Variants in ADGRV1 observed in about 807,000 individuals in gnomAD.
ADGRV1 encodes G-protein coupled receptor 98.
ADGRV1 carries 359 observed loss-of-function variants against 596.2 expected under a neutral mutation model. That is an observed-to-expected ratio of 0.60 (90% CI 0.55 to 0.66). The LOEUF (loss-of-function observed/expected upper bound fraction) is 0.66, where lower values mean the gene tolerates loss of function less well. Ranked by LOEUF, ADGRV1 falls within the 30% of genes least tolerant of loss-of-function variation. The probability of loss-of-function intolerance (pLI) is 0.00; values close to 1 mark genes in which losing one functional copy is unlikely to be tolerated. For missense variants in ADGRV1, 7,274 were observed against 7,575.6 expected, an observed-to-expected ratio of 0.96 and a Z score of 1.48; for synonymous variants, 2,681 against 2,679.2, an observed-to-expected ratio of 1.00 and a Z score of -0.02.
At chr5:90,981,105 C>T (rs775136827) in intron 84 of ADGRV1, among the ~76,000 whole-genome samples, 5 of 152,036 alleles carry the variant, frequency 3.3e-5, no homozygotes, top group African/African-American at 4.8e-5. Flanking sequence ...GTGGTCAGAG[C>T]ACAGTTTGGT....
At chr5:90,907,794 A>G (rs1380926646) in intron 83 of ADGRV1, among the ~76,000 whole-genome samples, 3 of 151,932 alleles carry the variant, frequency 2.0e-5, no homozygotes, top group African/African-American at 7.3e-5. Context: ...AGTACCTACC[A>G]CAGTATCTGC....
intron 78 of ADGRV1, among the ~76,000 whole-genome samples, chr5:90,845,579 T>C (rs116394862): frequency 0.018 from 2,778 of 152,174 alleles, 98 homozygotes; most frequent in African/African-American, 0.064. Flanking sequence ...GGTAATTTTT[T>C]TCCTGTCTGG....
chr5:90,879,727 G>A (rs1308645429), intron 83 of ADGRV1, among the ~76,000 whole-genome samples: 1 of 151,974 alleles, frequency 6.6e-6, no homozygotes, highest in South Asian at 2.1e-4. Context: ...CAGGCAAATC[G>A]CTTGAGGTCA....
intron 86 of ADGRV1, among the ~76,000 whole-genome samples, chr5:91,089,041 C>T (rs1790152453): frequency 6.6e-6 from 1 of 151,822 alleles, no homozygotes; most frequent in African/African-American, 2.4e-5. Flanking sequence ...TAAGAATGAG[C>T]AATAAGATAT....
At chr5:90,908,151 G>A (rs974079745) in intron 83 of ADGRV1, among the ~76,000 whole-genome samples, 3 of 152,096 alleles carry the variant, frequency 2.0e-5, no homozygotes, top group African/African-American at 4.8e-5. Flanking sequence ...GTTTCAGGCC[G>A]GAATTTGCCA....
At position 90,759,604 on chromosome 5, in the gene ADGRV1, C is replaced by T; in HGVS notation, c.12120+16C>T. 1 of 1,602,588 alleles carries T rather than the reference C, an allele frequency of 6.2e-7. No individual in the cohort carries two copies. Among genetic ancestry groups the T allele is most frequent in the Non-Finnish European group, 8.5e-7 (1 of 1,170,404 alleles). On this transcript the variant is annotated intron_variant, in intron 58 of 89. Coordinates refer to ENST00000405460, the MANE Select transcript of ADGRV1 (RefSeq NM_032119.4). The stretch of plus-strand genomic sequence containing the variant: ...AGAAAAGACTGTAAGTTAAACATAT[C>T]AGGGGAAAGCCTTGTTTCAGGCTAG...
At chr5:91,051,301 G>T (rs1262459758) in intron 85 of ADGRV1, among the ~76,000 whole-genome samples, 1 of 152,050 alleles carries the variant, frequency 6.6e-6, no homozygotes, top group Non-Finnish European at 1.5e-5. Context: ...TGATACAAAA[G>T]CAATATATAT....
chr5:90,612,568 T>TA (rs1230261131), intron 1 of ADGRV1, among the ~76,000 whole-genome samples: 1 of 152,046 alleles, frequency 6.6e-6, no homozygotes, highest in African/African-American at 2.4e-5. Context: ...TTCTCAGCTA[T>TA]AAAATGGTAC....
Position 90,672,668 on chromosome 5 carries a change from T to A in ADGRV1, c.4875T>A (p.Asp1625Glu). 2.5e-6 allele frequency: 4 copies of A among 1,613,714 alleles called. No individual in the cohort carries two copies. The highest frequency in any genetic ancestry group is 3.4e-6 in the Non-Finnish European group (4 of 1,179,686). ...CTGATGGCATTAATTACCTTGTTGA[T>A]GACTTTGCTAATGCCAGTGGAACTA... ...IETDGINYLV[D>E]DFANASGTIT... Residue 1625 changes from aspartate to glutamate, a missense_variant, in exon 22 of 90, where the codon GAT becomes GAA. Coordinates refer to ENST00000405460, the MANE Select transcript of ADGRV1 (RefSeq NM_032119.4).
rs113276036 is a variant in ADGRV1, at chr5:90,847,871, G to A, written c.17020-766G>A. 5.6e-3 allele frequency among the ~76,000 whole-genome samples: 847 copies of A among 152,176 alleles called. 10 individuals are homozygous for A. Among genetic ancestry groups the A allele is most frequent in the African/African-American group, 0.019 (794 of 41,524 alleles). Reference sequence around the variant, plus strand: ...CACCTCCCTGCAAGCTGAGGGAGCCGGTTCCCGCCTCGGCCAGCCCAGAAA... The same window carrying A: ...CACCTCCCTGCAAGCTGAGGGAGCCAGTTCCCGCCTCGGCCAGCCCAGAAA... On this transcript the variant is annotated intron_variant, in intron 78 of 89. Coordinates refer to ENST00000405460, the MANE Select transcript of ADGRV1 (RefSeq NM_032119.4).
intron 71 of ADGRV1, among the ~76,000 whole-genome samples, chr5:90,803,534 G>C (rs781688650): frequency 1.2e-4 from 19 of 152,056 alleles, no homozygotes; most frequent in Non-Finnish European, 2.2e-4. Flanking sequence ...GAAGTGACTC[G>C]GGCAAGCCTG....
intron 86 of ADGRV1, among the ~76,000 whole-genome samples, chr5:91,088,365 GA>G (rs1485459283): frequency 1.1e-4 from 17 of 151,792 alleles, no homozygotes; most frequent in African/African-American, 3.1e-4. Flanking sequence ...TTGCTACCAT[GA>G]AAAAAAATTT....
Position 90,778,009 on chromosome 5 carries a change from G to T in ADGRV1, c.12632G>T (p.Arg4211Leu), listed in dbSNP as rs768374513. 16 of 1,589,708 alleles carry T rather than the reference G, an allele frequency of 1.0e-5. No homozygotes were observed. Among genetic ancestry groups the T allele is most frequent in the Non-Finnish European group, 1.2e-5 (14 of 1,166,568 alleles). The change falls in exon 62 of 90, where the codon CGA becomes CTA. Residue 4211 changes from arginine (R) to leucine (L), a missense_variant. Physicochemically the swap from Arg to Leu is moderately radical, Grantham distance 102. Coordinates refer to ENST00000405460, the MANE Select transcript of ADGRV1 (RefSeq NM_032119.4). Reference sequence around the variant, plus strand: ...GAAACATCAGGAAAACTGACAATGCGAGACGAACAGTCTGCAGTCATTGTA... The same window carrying T: ...GAAACATCAGGAAAACTGACAATGCTAGACGAACAGTCTGCAGTCATTGTA... ...FAETSGKLTM[R>L]DEQSAVIVVI...
At chr5:90,965,217 G>T (rs942101366) in intron 83 of ADGRV1, among the ~76,000 whole-genome samples, 198 bp from the exon 84 acceptor site, 2 of 152,000 alleles carry the variant, frequency 1.3e-5, no homozygotes, top group Non-Finnish European at 2.9e-5. Flanking sequence ...CATATCATGC[G>T]CTGTTTCTTA....
rs1327076792 is a variant in ADGRV1, at chr5:90,637,935, CT to C, written c.2230del (p.Ser744LeufsTer2). On this transcript the variant is annotated frameshift_variant, in exon 11 of 90. Transcript: ENST00000405460. LOFTEE classifies it high-confidence loss of function. ...ACCGGAAATGAATGAAACTGTAACA[CT>C]TTCTCTAGACAGGTAATAACCCATT... ...DIPEMNETVTLSLDRVNVENQ... is the reference protein window; with the variant it reads ...DIPEMNETVTXSLDRVNVENQ... 6.2e-7 allele frequency: 1 copy of C among 1,610,258 alleles called. No individual in the cohort carries two copies. Among genetic ancestry groups the C allele is most frequent in the African/African-American group, 1.3e-5 (1 of 74,760 alleles).
In ADGRV1 at chr5:90,653,582, A is replaced by G. The variant is rs774671035; in HGVS notation, c.4008A>G (p.Ala1336=). Residue 1336 remains alanine, a synonymous_variant, in exon 20 of 90, where the codon GCA becomes GCG. Transcript: ENST00000405460. ...TGTACTTTACCGGACTAGAGGGTGC[A>G]TTTGGGACTGTTAATCCAAAATACC... The part of the protein sequence containing the change: ...DALYFTGLEG[A]FGTVNPKYHP... The G allele has an allele frequency of 3.1e-6, 5 of 1,613,912 alleles. No homozygotes were observed. The highest frequency in any genetic ancestry group is 3.4e-6 in the Non-Finnish European group (4 of 1,179,856).
intron 49 of ADGRV1, 80 bp from the exon 50 acceptor site, chr5:90,729,562 A>G (rs1399548549): frequency 3.7e-6 from 4 of 1,080,618 alleles, no homozygotes; most frequent in Non-Finnish European, 4.0e-6. Flanking sequence ...TGATATTTTT[A>G]TTATAGTTTT....
At chr5:90,718,501 T>C (rs1401110925) in intron 43 of ADGRV1, 2 of 152,204 alleles carry the variant, frequency 1.3e-5, no homozygotes, top group Non-Finnish European at 2.9e-5. Flanking sequence ...GTAGAAAATA[T>C]AATAAATCTA....
chr5:90,825,750 G>A (rs78074494), intron 76 of ADGRV1: 1 of 152,094 alleles, frequency 6.6e-6, no homozygotes. Context: ...ATATAATTAA[G>A]GGGTAAGAAA....
Sources: gnomAD v4.1 joint callset for allele counts (sites outside exome capture counted in the v4.1 genomes callset) on GRCh38, gnomAD v4.1.1 for gene constraint, MANE v1.5 for transcripts, NCBI Gene and HGNC (gene_info 2026-07-23, HGNC 2026-07-21) for gene names.